The following GPR158 variants were observed in gnomAD, a reference collection of about 807,000 sequenced individuals.
GPR158 encodes G protein-coupled receptor 158.
In GPR158, 30 loss-of-function variants were observed where a neutral mutation model predicts 78.2. The observed-to-expected ratio is 0.38, with a 90% CI of 0.29 to 0.52. The LOEUF is 0.52. Among genes scored for constraint, GPR158 ranks in the 20% least tolerant of loss-of-function variants. The probability of loss-of-function intolerance (pLI) is 0.83; values close to 1 mark genes in which losing one functional copy is unlikely to be tolerated. For missense variants in GPR158, 1,463 were observed against 1,523.5 expected (o/e 0.96, Z 0.66); for synonymous variants, 581 against 591.1 (o/e 0.98, Z 0.25).
chr10:25,492,567 T>C (rs1018123563), intron 5 of GPR158, among the ~76,000 whole-genome samples: 2 of 152,168 alleles, frequency 1.3e-5, no homozygotes, highest in Non-Finnish European at 2.9e-5. Flanking sequence ...AATGTTTTCA[T>C]GTTTGTACTC....
intron 7 of GPR158, among the ~76,000 whole-genome samples, chr10:25,585,090 T>C (rs1419777721): frequency 6.6e-6 from 1 of 152,238 alleles, no homozygotes; most frequent in Non-Finnish European, 1.5e-5. Context: ...TCCTTCACAA[T>C]TAATCAGTTA....
chr10:25,222,591 T>A (rs769336980), intron 2 of GPR158, among the ~76,000 whole-genome samples: 9 of 152,288 alleles, frequency 5.9e-5, no homozygotes, highest in Non-Finnish European at 1.2e-4. Context: ...AGCCTCCACT[T>A]CGGATGATTC....
intron 2 of GPR158, among the ~76,000 whole-genome samples, chr10:25,229,940 A>G (rs1283217197): frequency 6.6e-6 from 1 of 152,182 alleles, no homozygotes; most frequent in Non-Finnish European, 1.5e-5. Context: ...GTTTAAGTCT[A>G]AGGCTATATA....
chr10:25,389,916 G>A (rs1024778735), intron 2 of GPR158, among the ~76,000 whole-genome samples: 4 of 152,190 alleles, frequency 2.6e-5, no homozygotes, highest in African/African-American at 4.8e-5. Flanking sequence ...CCCATGTGTT[G>A]TTGGAGGGAC....
At chr10:25,490,065 G>A (rs1588885084) in intron 5 of GPR158, among the ~76,000 whole-genome samples, 2 of 152,012 alleles carry the variant, frequency 1.3e-5, no homozygotes, top group Non-Finnish European at 2.9e-5. Flanking sequence ...TACAGAAGAG[G>A]AAACCCAGCT....
rs372885466 is a variant in GPR158 at position 25,212,465 on chromosome 10, G to A, written c.903-8587G>A. On this transcript the variant is annotated intron_variant, in intron 1 of 10. Coordinates refer to ENST00000376351, the MANE Select transcript of GPR158 (RefSeq NM_020752.3). ...CCACCAGGCCCCACCTCCAACATTG[G>A]GGATTACAATTCGACATGAGATTTA... is the stretch of plus-strand genomic sequence containing the variant. 2.0e-5 allele frequency among the ~76,000 whole-genome samples: 3 copies of A among 152,068 alleles called. No homozygotes were observed. In the East Asian group the frequency reaches 5.8e-4, roughly 29 times the overall value.
chr10:25,510,574 T>TG (rs966386822), intron 5 of GPR158, among the ~76,000 whole-genome samples: 7 of 152,084 alleles, frequency 4.6e-5, no homozygotes, highest in African/African-American at 1.7e-4. Flanking sequence ...ATTTCAATAG[T>TG]TTTTTGGGGA....
At chr10:25,340,523 A>G (rs1418625599) in intron 2 of GPR158, among the ~76,000 whole-genome samples, 1 of 152,112 alleles carries the variant, frequency 6.6e-6, no homozygotes, top group Non-Finnish European at 1.5e-5. Flanking sequence ...ACAGAGAACT[A>G]GAAACTAGTA....
chr10:25,381,262 C>G (rs748579985), intron 2 of GPR158, among the ~76,000 whole-genome samples: 1 of 152,152 alleles, frequency 6.6e-6, no homozygotes, highest in African/African-American at 2.4e-5. Context: ...ATGTGAACAT[C>G]ACTTGTGTAT....
At chr10:25,466,877 G>T (rs1055458137) in intron 5 of GPR158, among the ~76,000 whole-genome samples, 158 bp downstream of exon 5, 12 of 152,078 alleles carry the variant, frequency 7.9e-5, no homozygotes, top group African/African-American at 2.9e-4. Context: ...AAAGACTTTG[G>T]CCAAGAGACA....
At chr10:25,421,845 T>G (rs1834756022) in intron 4 of GPR158, among the ~76,000 whole-genome samples, 1 of 152,182 alleles carries the variant, frequency 6.6e-6, no homozygotes, top group Non-Finnish European at 1.5e-5. Flanking sequence ...TGCCATCAAT[T>G]TTCAATAAGA....
chr10:25,287,660 A>G (rs1854371943), intron 2 of GPR158, among the ~76,000 whole-genome samples: 1 of 152,134 alleles, frequency 6.6e-6, no homozygotes, highest in Non-Finnish European at 1.5e-5. Flanking sequence ...GGCATCTGAC[A>G]GTGTCTGTAA....
chr10:25,287,889 T>A (rs989748470), intron 2 of GPR158, among the ~76,000 whole-genome samples: 1 of 152,078 alleles, frequency 6.6e-6, no homozygotes, highest in Non-Finnish European at 1.5e-5. Context: ...GCAGTACCAA[T>A]CAATTATGTT....
At chr10:25,450,142 A>C (rs1267051625) in intron 4 of GPR158, among the ~76,000 whole-genome samples, 3 of 152,098 alleles carry the variant, frequency 2.0e-5, no homozygotes, top group African/African-American at 4.8e-5. Context: ...GACTAAGCTG[A>C]AGTTAGCCAG....
chr10:25,294,366 A>G (rs1036821064), intron 2 of GPR158, among the ~76,000 whole-genome samples: 3 of 152,206 alleles, frequency 2.0e-5, no homozygotes, highest in Non-Finnish European at 4.4e-5. Flanking sequence ...CTTTATTGTA[A>G]TTAAAAATAA....
At chr10:25,347,033 T>G (rs67779449) in intron 2 of GPR158, among the ~76,000 whole-genome samples, 1 of 151,890 alleles carries the variant, frequency 6.6e-6, no homozygotes, top group Non-Finnish European at 1.5e-5. Flanking sequence ...TGGGATTGCA[T>G]TGAGGATTAA....
At chr10:25,286,948 C>G (rs1373261534) in intron 2 of GPR158, among the ~76,000 whole-genome samples, 1 of 152,110 alleles carries the variant, frequency 6.6e-6, no homozygotes, top group Non-Finnish European at 1.5e-5. Flanking sequence ...GAGAATTTCT[C>G]TCCCCTTTTT....
Position 25,396,033 on chromosome 10 carries a change from A to T in GPR158, c.1111+20A>T, listed in dbSNP as rs372485855. 1.1e-6 allele frequency: 1 copy of T among 950,104 alleles called. No homozygotes were observed. Among genetic ancestry groups the T allele is most frequent in the Non-Finnish European group, 1.7e-6 (1 of 582,336 alleles). The allele number at this position is 950,104 out of a possible 1,614,324, so 58.9% of individuals were successfully genotyped here. On this transcript the variant is annotated intron_variant, in intron 3 of 10. Transcript: ENST00000376351. ...TTCGGAGTAAGTGCCCTTTGTTTCT[A>T]TGTATATATATGTATATACATCATA...
intron 5 of GPR158, among the ~76,000 whole-genome samples, chr10:25,543,794 G>T (rs1836622032): frequency 6.6e-6 from 1 of 152,112 alleles, no homozygotes; most frequent in South Asian, 2.1e-4. Context: ...TGCTACAAAA[G>T]ATAAAATTTT....
Sources: gnomAD v4.1 joint callset for allele counts (sites outside exome capture counted in the v4.1 genomes callset) on GRCh38, gnomAD v4.1.1 for gene constraint, MANE v1.5 for transcripts, NCBI Gene and HGNC (gene_info 2026-07-23, HGNC 2026-07-21) for gene names.